The following TRAK1 variants were observed in gnomAD, a reference collection of about 807,000 sequenced individuals.
The protein encoded by TRAK1 is trafficking kinesin protein 1.
In TRAK1, 33 loss-of-function variants were observed where a neutral mutation model predicts 92.1. The ratio of observed to expected loss-of-function variants is 0.36; its 90% CI spans 0.27 to 0.48. The LOEUF is 0.48. Among genes scored for constraint, TRAK1 ranks in the 20% least tolerant of loss-of-function variants. TRAK1 has a pLI of 0.99. For synonymous variants in TRAK1, 521 were observed against 517.3 expected (o/e 1.01, Z -0.10); for missense variants, 1,123 against 1,257.9 (o/e 0.89, Z 1.62).
At chr3:42,194,967 GA>G in intron 10 of TRAK1, 26 bp downstream of exon 10, 2 of 1,611,956 alleles carry the variant, frequency 1.2e-6, no homozygotes, top group Non-Finnish European at 1.7e-6. Flanking sequence ...TTCCCAGCCA[GA>G]GGACAGGAGG....
intron 2 of TRAK1, among the ~76,000 whole-genome samples, chr3:42,172,512 C>T (rs1702695580): frequency 6.6e-6 from 1 of 152,232 alleles, no homozygotes; most frequent in Non-Finnish European, 1.5e-5. Context: ...TGCACCCCCT[C>T]CCCCATTGCT....
At chr3:42,147,342 A>T (rs1261953204) in intron 2 of TRAK1, among the ~76,000 whole-genome samples, 1 of 152,156 alleles carries the variant, frequency 6.6e-6, no homozygotes, top group Non-Finnish European at 1.5e-5. Flanking sequence ...AAGAATGTGC[A>T]GTTTGGTTGG....
upstream of TRAK1, among the ~76,000 whole-genome samples, chr3:42,082,661 AAAAAAACAC>A (rs1704493031): frequency 6.6e-6 from 1 of 152,088 alleles, no homozygotes; most frequent in Non-Finnish European, 1.5e-5. Flanking sequence ...TTTGTTAAAA[AAAAAAACAC>A]AAAAAACCAA....
Position 42,223,603 on chromosome 3 carries a change from C to T in TRAK1, c.2728C>T (p.Leu910Phe). ...TVTSAIGGLQ[L>F]NSGIRRNRSF... ...CACCAGTGCCATCGGTGGGCTGCAG[C>T]TCAATAGTGGCATCCGGCGGAATCG... Residue 910 changes from leucine to phenylalanine, a missense_variant, in exon 16 of 16, where the codon CTC (leucine) becomes TTC (phenylalanine). Physicochemically the swap from Leu to Phe is conservative, Grantham distance 22 (BLOSUM62 0). Around this residue, in one of 3 missense-constraint regions of TRAK1, gnomAD observed 401 missense variants for 438.9 expected, o/e 0.91. Coordinates refer to ENST00000327628, the MANE Select transcript of TRAK1 (RefSeq NM_001042646.3). This position sits in a 1 kb window ranked among gnomAD's most constrained non-coding sequence, Gnocchi z 6.1. 2 of 1,614,016 alleles carry T rather than the reference C, an allele frequency of 1.2e-6. No homozygotes were observed. Among genetic ancestry groups the T allele is most frequent in the South Asian group, 2.2e-5 (2 of 91,082 alleles).
chr3:42,055,951 G>GA (rs1450865674), intron 1 of TRAK1, among the ~76,000 whole-genome samples: 1 of 152,106 alleles, frequency 6.6e-6, no homozygotes. Context: ...CTTTGTGACT[G>GA]GCTTTTTTCA....
At chr3:42,125,024 A>G (rs1202494234) in intron 1 of TRAK1, among the ~76,000 whole-genome samples, 4 of 152,250 alleles carry the variant, frequency 2.6e-5, no homozygotes, top group Non-Finnish European at 4.4e-5. Flanking sequence ...GATAGCTTCA[A>G]TGGTAAAAGA....
At chr3:42,032,704 A>G (rs1316163843) in intron 1 of TRAK1, among the ~76,000 whole-genome samples, 1 of 152,194 alleles carries the variant, frequency 6.6e-6, no homozygotes, top group Non-Finnish European at 1.5e-5. Flanking sequence ...TTGTAACCCC[A>G]TAAAACAAGT....
intron 1 of TRAK1, among the ~76,000 whole-genome samples, chr3:42,115,817 T>C (rs925718834): frequency 6.6e-6 from 1 of 152,184 alleles, no homozygotes; most frequent in Non-Finnish European, 1.5e-5. Context: ...ACCTATCCCT[T>C]GTCCCTTTGT....
chr3:42,020,188 A>G (rs1308726236), intron 1 of TRAK1, among the ~76,000 whole-genome samples: 1 of 152,210 alleles, frequency 6.6e-6, no homozygotes, highest in Admixed American at 6.5e-5. Context: ...TGGAACAAAT[A>G]TTTTATATCA....
rs60025099 is a variant in TRAK1, at chr3:42,138,876, G to GGTGTGT, written c.286+13305_286+13310dup. 7.6e-4 allele frequency among the ~76,000 whole-genome samples: 90 copies of GGTGTGT among 118,818 alleles called. 1 individual carries two copies. Among genetic ancestry groups the GGTGTGT allele is most frequent in the African/African-American group, 1.3e-3 (34 of 26,170 alleles). The allele number at this position is 118,818 out of a possible 152,430, so 77.9% of individuals were successfully genotyped here. On this transcript the variant is annotated intron_variant, in intron 2 of 15. Transcript: ENST00000327628. ...TGGTGACCTAAAAGAAAGCATAGGG[G>GGTGTGT]GTGTGTGTGTGTGTGTGTGTGTGTG...
rs541842452 is a variant in TRAK1 at position 42,203,220 on chromosome 3, C to T, written c.1744+468C>T. The T allele has an allele frequency of 2.5e-4, 273 of 1,083,950 alleles. 1 individual carries two copies. The highest frequency in any genetic ancestry group is 2.9e-4 in the Non-Finnish European group (257 of 895,844). 67.1% of individuals were successfully genotyped at this position (1,083,950 alleles called of 1,614,324 possible). A position where few individuals can be genotyped will look rare whatever the true frequency, so the allele number is the denominator to read the frequency against. On this transcript the variant is annotated intron_variant, in intron 13 of 15. Coordinates refer to ENST00000327628, the MANE Select transcript of TRAK1 (RefSeq NM_001042646.3). The stretch of plus-strand genomic sequence containing the variant: ...ATGGGGATTTTTTTTTCCCCATAAC[C>T]ACCTGAATGTGATTTGTGGGCTTAT...
chr3:42,094,489 A>G lies in TRAK1; in HGVS notation c.91+2929A>G, dbSNP rs529583530. Among the ~76,000 whole-genome samples the G allele has an allele frequency of 2.6e-5, 4 of 151,776 alleles. No individual in the cohort carries two copies. The East Asian group carries it at 7.8e-4, about 30-fold the overall frequency. ...ACTCCTGGGCTCAAGTGACTCTCCC[A>G]CGTCCACCTCCCAAGTAGCTGCGAC... On this transcript the variant is annotated intron_variant, in intron 1 of 15. Transcript: ENST00000327628.
At chr3:42,052,336 C>T (rs1703016421) in intron 1 of TRAK1, among the ~76,000 whole-genome samples, 1 of 152,190 alleles carries the variant, frequency 6.6e-6, no homozygotes, top group Admixed American at 6.5e-5. Context: ...CATGGGGGCC[C>T]AGCAATCTGT....
At chr3:42,070,629 A>G (rs547028867) in intron 1 of TRAK1, among the ~76,000 whole-genome samples, 110 of 152,118 alleles carry the variant, frequency 7.2e-4, no homozygotes, top group African/African-American at 2.3e-3. Flanking sequence ...AGGCCTCACT[A>G]TGTTGCCCAG....
intron 2 of TRAK1, among the ~76,000 whole-genome samples, chr3:42,171,628 C>A: frequency 6.6e-6 from 1 of 152,148 alleles, no homozygotes; most frequent in African/African-American, 2.4e-5. Context: ...CCACTTCTCC[C>A]GGCTCATTCA....
rs146659030 is a variant in TRAK1 at position 42,148,023 on chromosome 3, AACACAC to A, written c.286+22428_286+22433del. On this transcript the variant is annotated intron_variant, in intron 2 of 15. Transcript: ENST00000327628. The stretch of plus-strand genomic sequence containing the variant: ...AGAAGCAGACATACACATACATAGA[AACACAC>A]ACACACACACACACACACTATTATC... 2.1e-4 allele frequency among the ~76,000 whole-genome samples: 31 copies of A among 150,192 alleles called. No individual in the cohort carries two copies. The South Asian group carries it at 2.1e-3, about 10-fold the overall frequency.
chr3:42,205,147 C>T (rs923777098), intron 13 of TRAK1, among the ~76,000 whole-genome samples: 4 of 152,100 alleles, frequency 2.6e-5, no homozygotes, highest in Non-Finnish European at 5.9e-5. Flanking sequence ...TTATATTGTA[C>T]CTGGCATCTA....
At chr3:42,073,072 G>A (rs1376908196) in intron 1 of TRAK1, among the ~76,000 whole-genome samples, 2 of 152,188 alleles carry the variant, frequency 1.3e-5, no homozygotes, top group Admixed American at 6.5e-5. Context: ...CAGCATGCAC[G>A]TGCAGCCCCC....
chr3:42,146,072 A>T, intron 2 of TRAK1: 1 of 455,824 alleles, frequency 2.2e-6, no homozygotes, highest in Non-Finnish European at 4.4e-6. Context: ...AGTAAGAAAG[A>T]TTCTGCTCTG....
Sources: allele counts gnomAD v4.1 joint callset (sites outside exome capture counted in the v4.1 genomes callset), GRCh38; gene constraint gnomAD v4.1.1; regional missense constraint gnomAD v4.1.1; non-coding constraint Gnocchi (gnomAD v3.1); transcripts MANE v1.5; gene names NCBI Gene and HGNC (gene_info 2026-07-23, HGNC 2026-07-21).